MAPT: variants seen among roughly 807,000 people sequenced by gnomAD.
MAPT encodes the protein microtubule associated protein tau.
MAPT carries 34 observed loss-of-function variants against 67.9 expected under a neutral mutation model. The observed-to-expected ratio is 0.50, with a 90% CI of 0.38 to 0.67. The LOEUF (loss-of-function observed/expected upper bound fraction) is 0.67, where lower values mean the gene tolerates loss of function less well. MAPT is among the 30% of genes least tolerant of loss of function. The pLI is 0.00. For missense variants in MAPT, 881 were observed against 1,115.2 expected, an observed-to-expected ratio of 0.79 and a Z score of 2.99; for synonymous variants, 456 against 464.5, an observed-to-expected ratio of 0.98 and a Z score of 0.23.
At position 46,010,315 on chromosome 17, in the gene MAPT, G is replaced by A. The variant is rs1411362620; in HGVS notation, c.2004G>A (p.Gln668=). 6 of 1,567,934 alleles carry A rather than the reference G, an allele frequency of 3.8e-6. No homozygotes were observed. The African/African-American group carries it at 8.1e-5, about 21-fold the overall frequency. Residue 668 remains glutamine (Q), a synonymous_variant, in exon 10 of 13, where the codon CAG becomes CAA. Coordinates refer to ENST00000262410, the MANE Select transcript of MAPT (RefSeq NM_001377265.1). This position sits in a 1 kb window ranked among gnomAD's most constrained non-coding sequence, Gnocchi z 4.7. ...LKHQPGGGKV[Q]IINKKLDLSN... ...CTTTTTTCTGGCTACCAAAGGTGCA[G>A]ATAATTAATAAGAAGCTGGATCTTA...
In MAPT at chr17:45,896,188, G is replaced by T. The variant is rs2063203131; in HGVS notation, c.-18+1502G>T. The T allele has an allele frequency of 6.6e-6, 1 of 152,082 alleles. No individual in the cohort carries two copies. The highest frequency in any genetic ancestry group is 2.4e-5 in the African/African-American group (1 of 41,392). 9.4% of individuals were successfully genotyped at this position (152,082 alleles called of 1,614,324 possible). On this transcript the variant is annotated intron_variant, in intron 1 of 12. Transcript: ENST00000262410. The surrounding 1 kb of genome is among the most constrained non-coding windows in gnomAD (Gnocchi z 5.6). ...CGGCACGCATGGAACGGGCGTGACCGCGCGCAGCCTCGTCTCGGAGTCTGC... is the reference window on the plus strand; with the variant it reads ...CGGCACGCATGGAACGGGCGTGACCTCGCGCAGCCTCGTCTCGGAGTCTGC...
Position 46,010,033 on chromosome 17 carries a change from C to A in MAPT, c.1999-277C>A, listed in dbSNP as rs1300817789. On this transcript the variant is annotated intron_variant, in intron 9 of 12. Coordinates refer to ENST00000262410, the MANE Select transcript of MAPT (RefSeq NM_001377265.1). The surrounding 1 kb of genome is among the most constrained non-coding windows in gnomAD (Gnocchi z 4.7). ...ATGCCATCCTTTTGTGAAGTGAGGA[C>A]CTGCAATCCCAGCTTCGTAAAGCCC... 6.6e-6 allele frequency among the ~76,000 whole-genome samples: 1 copy of A among 152,212 alleles called. No homozygotes were observed. Among genetic ancestry groups the A allele is most frequent in the East Asian group, 1.9e-4 (1 of 5,194 alleles).
At chr17:45,987,187 G>T (rs1481933069) in intron 6 of MAPT, 92 bp downstream of exon 6, 1 of 1,246,950 alleles carries the variant, frequency 8.0e-7, no homozygotes, top group South Asian at 1.2e-5. Context: ...ATAATGTGGG[G>T]AGTATTTGTC....
At chr17:46,023,880 G>A (rs2146222158) in intron 12 of MAPT, 76 bp from the exon 13 acceptor site, 1 of 1,267,632 alleles carries the variant, frequency 7.9e-7, no homozygotes, top group East Asian at 2.3e-5. Flanking sequence ...TCTGGGCCAG[G>A]CCTGGCAGGG....
chr17:45,971,998 G>T lies in MAPT; in HGVS notation c.220+53G>T. The T allele has an allele frequency of 1.4e-6, 2 of 1,380,522 alleles. No individual in the cohort carries two copies. Among genetic ancestry groups the T allele is most frequent in the Non-Finnish European group, 2.1e-6 (2 of 969,534 alleles). 85.5% of individuals were successfully genotyped at this position (1,380,522 alleles called of 1,614,324 possible). A position where few individuals can be genotyped will look rare whatever the true frequency, so the allele number is the denominator to read the frequency against. On this transcript the variant is annotated intron_variant, in intron 3 of 12. Transcript: ENST00000262410. The surrounding 1 kb of genome is among the most constrained non-coding windows in gnomAD (Gnocchi z 4.3). ...ATGCCTCCAGCCTGTGCTTAGCCGT[G>T]CTTTGAGCCTCCCTCCTGGCTGCAT... is the stretch of plus-strand genomic sequence containing the variant.
At chr17:45,952,995 A>G (rs1012285552) in intron 1 of MAPT, among the ~76,000 whole-genome samples, 14 of 126,828 alleles carry the variant, frequency 1.1e-4, no homozygotes, top group African/African-American at 4.1e-4. Flanking sequence ...CCTGGGAATC[A>G]TAACACCTAT....
At chr17:45,904,825 T>A (rs1468735403) in intron 1 of MAPT, among the ~76,000 whole-genome samples, 1 of 152,164 alleles carries the variant, frequency 6.6e-6, no homozygotes, top group Admixed American at 6.5e-5. Context: ...TTTGACAATG[T>A]ATCAGAATTT....
chr17:46,015,439 C>G (rs2076111778), intron 11 of MAPT, among the ~76,000 whole-genome samples: 1 of 151,740 alleles, frequency 6.6e-6, no homozygotes, highest in Non-Finnish European at 1.5e-5. Flanking sequence ...GCGAGCGGAT[C>G]ACAAGGTCAG....
chr17:46,000,509 T>A (rs1423836358), intron 9 of MAPT, among the ~76,000 whole-genome samples: 2 of 151,310 alleles, frequency 1.3e-5, no homozygotes, highest in Non-Finnish European at 2.9e-5. Context: ...CTTGTGGGAG[T>A]CGTGGGTGGC....
chr17:46,018,600 G>T lies in MAPT; in HGVS notation c.2174-18G>T. 1 of 1,518,800 alleles carries T rather than the reference G, an allele frequency of 6.6e-7. No individual in the cohort carries two copies. The highest frequency in any genetic ancestry group is 1.4e-5 in the African/African-American group (1 of 73,118). 94.1% of individuals were successfully genotyped at this position (1,518,800 alleles called of 1,614,324 possible). ...CAGAAGATGATGGCAAGATGCTCTT[G>T]TGTGTGTTGTGTTCTAGGAGGTGGC... On this transcript the variant is annotated intron_variant, in intron 11 of 12. Coordinates refer to ENST00000262410, the MANE Select transcript of MAPT (RefSeq NM_001377265.1).
At chr17:45,990,519 G>A (rs947479614) in intron 7 of MAPT, 6 of 449,616 alleles carry the variant, frequency 1.3e-5, no homozygotes, top group Non-Finnish European at 2.7e-5. Context: ...GGGAGGCTGA[G>A]GCACAAGGAT....
At chr17:45,939,304 A>G (rs1032454360) in intron 1 of MAPT, among the ~76,000 whole-genome samples, 1 of 152,170 alleles carries the variant, frequency 6.6e-6, no homozygotes, top group African/African-American at 2.4e-5. Flanking sequence ...GATCTGGAAG[A>G]GGTGGGATGA....
chr17:45,983,565 C>G lies in MAPT; in HGVS notation c.986C>G (p.Thr329Ser). The G allele has an allele frequency of 1.2e-6, 2 of 1,613,190 alleles. No individual in the cohort carries two copies. The highest frequency in any genetic ancestry group is 1.7e-6 in the Non-Finnish European group (2 of 1,180,000). The part of the protein sequence containing the change: ...RPPQTAAREA[T>S]SIPGFPAEGA... The stretch of plus-strand genomic sequence containing the variant: ...CCCCAGACAGCCGCCAGAGAAGCCA[C>G]CAGCATCCCAGGCTTCCCAGCGGAG... Residue 329 changes from threonine to serine, a missense_variant, in exon 5 of 13, where the codon ACC becomes AGC. Coordinates refer to ENST00000262410, the MANE Select transcript of MAPT (RefSeq NM_001377265.1).
chr17:45,965,261 C>T (rs1217976292), intron 2 of MAPT, among the ~76,000 whole-genome samples: 1 of 151,892 alleles, frequency 6.6e-6, no homozygotes, highest in African/African-American at 2.4e-5. Context: ...GAAACCTCGT[C>T]TCTACTAAAA....
At position 45,983,254 on chromosome 17, in the gene MAPT, G is replaced by A. The variant is rs2073164051; in HGVS notation, c.675G>A (p.Met225Ile). The A allele has an allele frequency of 1.2e-6, 2 of 1,601,408 alleles. No homozygotes were observed. The highest frequency in any genetic ancestry group is 4.5e-5 in the East Asian group (2 of 44,486). The part of the protein sequence containing the change: ...PGPPGLSHQL[M>I]SGMPGAPLLP... ...CCCCAGGTCTGAGCCACCAGCTCAT[G>A]TCCGGCATGCCTGGGGCTCCCCTCC... The change falls in exon 5 of 13, where the codon ATG (methionine) becomes ATA (isoleucine). Residue 225 changes from methionine (M) to isoleucine (I), a missense_variant. Coordinates refer to ENST00000262410, the MANE Select transcript of MAPT (RefSeq NM_001377265.1).
chr17:46,018,442 G>C (rs550453240), intron 11 of MAPT, among the ~76,000 whole-genome samples, 176 bp from the exon 12 acceptor site: 1 of 152,302 alleles, frequency 6.6e-6, no homozygotes, highest in South Asian at 2.1e-4. Context: ...TGCAAACCTG[G>C]AAGTCCTGTC....
chr17:45,930,168 G>A (rs2066712105), intron 1 of MAPT, among the ~76,000 whole-genome samples: 1 of 152,196 alleles, frequency 6.6e-6, no homozygotes, highest in Non-Finnish European at 1.5e-5. Context: ...GGGAGGCCAA[G>A]ACAGATTGAT....
intron 7 of MAPT, among the ~76,000 whole-genome samples, chr17:45,990,799 G>A (rs1397248829): frequency 6.6e-6 from 1 of 152,076 alleles, no homozygotes; most frequent in Non-Finnish European, 1.5e-5. Context: ...TTTTGAGTTT[G>A]TGTTATGTCT....
chr17:45,954,464 A>G (rs1300305086), intron 1 of MAPT, among the ~76,000 whole-genome samples: 1 of 152,140 alleles, frequency 6.6e-6, no homozygotes, highest in African/African-American at 2.4e-5. Context: ...TCTACAAAAA[A>G]TACAAAACAT....
Sources: gnomAD v4.1 joint callset for allele counts (sites outside exome capture counted in the v4.1 genomes callset) on GRCh38, gnomAD v4.1.1 for gene constraint, Gnocchi (gnomAD v3.1) non-coding constraint, MANE v1.5 for transcripts, NCBI Gene and HGNC (gene_info 2026-07-23, HGNC 2026-07-21) for gene names.